SAP130: variants seen among roughly 807,000 people sequenced by gnomAD.
SAP130 encodes histone deacetylase complex subunit SAP130.
In SAP130, 16 loss-of-function variants were observed where a neutral mutation model predicts 103.2. That is an observed-to-expected ratio of 0.16 (90% CI 0.10 to 0.24). The LOEUF (loss-of-function observed/expected upper bound fraction) is 0.24. Ranked by LOEUF, SAP130 falls within the 10% of genes least tolerant of loss-of-function variation. SAP130 has a pLI of 1.00. For missense variants in SAP130, 990 were observed against 1,359.7 expected, an observed-to-expected ratio of 0.73 and a Z score of 4.28; for synonymous variants, 477 against 497.0, an observed-to-expected ratio of 0.96 and a Z score of 0.53.
chr2:127,966,277 G>A (rs1680650365), intron 15 of SAP130, among the ~76,000 whole-genome samples: 1 of 151,814 alleles, frequency 6.6e-6, no homozygotes, highest in Non-Finnish European at 1.5e-5. Flanking sequence ...CCTGCGAGGT[G>A]GAGGTTGCAG....
Position 127,989,490 on chromosome 2 carries a change from T to C in SAP130, c.1780+74A>G, listed in dbSNP as rs1682635515. Reference sequence around the variant, plus strand: ...AGAAATTATAAGACGACAAAGCCAGTGGCAGAGAAAGGATTTAAACCCAAA... The same window carrying C: ...AGAAATTATAAGACGACAAAGCCAGCGGCAGAGAAAGGATTTAAACCCAAA... On this transcript the variant is annotated intron_variant, in intron 13 of 20. Transcript: ENST00000643581. This position sits in a 1 kb window ranked among gnomAD's most constrained non-coding sequence, Gnocchi z 4.6. 2 of 1,320,360 alleles carry C rather than the reference T, an allele frequency of 1.5e-6. No homozygotes were observed. The highest frequency in any genetic ancestry group is 1.9e-4 in the Middle Eastern group (1 of 5,270). 81.8% of individuals were successfully genotyped at this position (1,320,360 alleles called of 1,614,324 possible). A position where few individuals can be genotyped will look rare whatever the true frequency, so the allele number is the denominator to read the frequency against.
intron 4 of SAP130, among the ~76,000 whole-genome samples, chr2:128,015,321 T>C (rs997645830): frequency 6.6e-6 from 1 of 152,166 alleles, no homozygotes; most frequent in Non-Finnish European, 1.5e-5. Flanking sequence ...TCTAAGTAAA[T>C]GTCAGTTGGT....
intron 15 of SAP130, among the ~76,000 whole-genome samples, chr2:127,966,089 C>G (rs1335244095): frequency 6.6e-6 from 1 of 151,996 alleles, no homozygotes; most frequent in East Asian, 1.9e-4. Context: ...ACGTCTGTAA[C>G]CACAGCACTT....
intron 13 of SAP130, among the ~76,000 whole-genome samples, chr2:127,988,581 G>A (rs1478876071): frequency 2.0e-5 from 3 of 151,836 alleles, no homozygotes; most frequent in African/African-American, 7.3e-5. Flanking sequence ...CTGGTGTAAT[G>A]ACTCATGCTT....
At position 127,955,246 on chromosome 2, in the gene SAP130, G is replaced by A. The variant is rs759150895; in HGVS notation, c.2162C>T (p.Ala721Val). The A allele has an allele frequency of 3.1e-6, 5 of 1,614,058 alleles. No homozygotes were observed. The highest frequency in any genetic ancestry group is 1.7e-5 in the Admixed American group (1 of 60,002). The change falls in exon 16 of 21, where the codon GCC (alanine) becomes GTC (valine). Residue 721 changes from alanine to valine, a missense_variant. By Grantham distance (64) the Ala-to-Val change is moderately conservative. Around this residue, in one of 6 missense-constraint regions of SAP130, gnomAD observed 349 missense variants for 384.1 expected, o/e 0.91. Transcript: ENST00000643581. The surrounding 1 kb of genome is among the most constrained non-coding windows in gnomAD (Gnocchi z 4.9). ...GGGCTGCTGGGCAGTTGGAGGGACG[G>A]CAATGGTAGGCTGATCATTATTTTG... ...SNQNNDQPTI[A>V]VPPTAQQPPP...
intron 2 of SAP130, among the ~76,000 whole-genome samples, chr2:128,022,751 T>C (rs904462880): frequency 4.6e-5 from 7 of 152,196 alleles, no homozygotes; most frequent in Non-Finnish European, 8.8e-5. Flanking sequence ...GGCACTTATC[T>C]AGCTCTTCTG....
At chr2:127,961,683 G>A (rs1414004234) in intron 15 of SAP130, among the ~76,000 whole-genome samples, 1 of 152,080 alleles carries the variant, frequency 6.6e-6, no homozygotes, top group Non-Finnish European at 1.5e-5. Flanking sequence ...GAGGCGGAAG[G>A]TGAGCGGAAT....
intron 6 of SAP130, among the ~76,000 whole-genome samples, chr2:128,011,699 T>A (rs1323532523): frequency 6.6e-6 from 1 of 152,226 alleles, no homozygotes; most frequent in Non-Finnish European, 1.5e-5. Context: ...CTACCCAGTA[T>A]CATAATCAAG....
intron 15 of SAP130, among the ~76,000 whole-genome samples, chr2:127,964,332 A>G (rs1680478303): frequency 6.6e-6 from 1 of 151,866 alleles, no homozygotes. Flanking sequence ...CACCTCTACT[A>G]AAAGTACAAA....
chr2:128,018,911 C>T (rs149614181), intron 2 of SAP130, among the ~76,000 whole-genome samples: 14 of 152,006 alleles, frequency 9.2e-5, no homozygotes, highest in Admixed American at 7.9e-4. Context: ...GCCTGACCAA[C>T]GTGGTGAAAC....
At chr2:127,962,725 T>G (rs2104811910) in intron 15 of SAP130, among the ~76,000 whole-genome samples, 1 of 112,564 alleles carries the variant, frequency 8.9e-6, no homozygotes, top group Non-Finnish European at 1.9e-5. Flanking sequence ...CCGGGGACTG[T>G]TGTGGGGTGG....
At position 127,942,499 on chromosome 2, in the gene SAP130, G is replaced by A. The variant is rs527799292; in HGVS notation, c.2940C>T (p.Asn980=). The part of the protein sequence containing the change: ...LEHDVYERLT[N]LQEGIIPKKK... ...TCTTTGGGATAATCCCTTCCTGCAGGTTAGTAAGTCTTTCATAGACATCAT... is the reference window on the plus strand; with the variant it reads ...TCTTTGGGATAATCCCTTCCTGCAGATTAGTAAGTCTTTCATAGACATCAT... Residue 980 remains asparagine, a synonymous_variant, in exon 20 of 21, where the codon AAC becomes AAT. Coordinates refer to ENST00000643581, the MANE Select transcript of SAP130 (RefSeq NM_001330301.2). The surrounding 1 kb of genome is among the most constrained non-coding windows in gnomAD (Gnocchi z 4.8). The A allele has an allele frequency of 1.4e-5, 22 of 1,613,446 alleles. No individual in the cohort carries two copies. In the South Asian group the frequency reaches 2.3e-4, roughly 17 times the overall value.
chr2:127,952,657 C>T (rs1049444338), intron 16 of SAP130, among the ~76,000 whole-genome samples: 2 of 152,098 alleles, frequency 1.3e-5, no homozygotes, highest in Admixed American at 1.3e-4. Flanking sequence ...CTTCTGTTTG[C>T]CAAATCCAAA....
Position 127,964,137 on chromosome 2 carries a change from G to T in SAP130, c.2064-8793C>A, listed in dbSNP as rs113650731. On this transcript the variant is annotated intron_variant, in intron 15 of 20. Transcript: ENST00000643581. ...CTGAGCCGAGGAGTTCAAGGCTTCA[G>T]TGAACTGTTTCACACCCATTGCACT... Among the ~76,000 whole-genome samples, 726 of 152,318 alleles carry T rather than the reference G, an allele frequency of 4.8e-3. 5 individuals carry two copies. Among genetic ancestry groups the T allele is most frequent in the Non-Finnish European group, 8.0e-3 (542 of 68,026 alleles).
chr2:128,000,361 T>C lies in SAP130; in HGVS notation c.963A>G (p.Leu321=), dbSNP rs1169243564. 1.2e-6 allele frequency: 2 copies of C among 1,614,076 alleles called. No individual in the cohort carries two copies. Among genetic ancestry groups the C allele is most frequent in the Non-Finnish European group, 1.7e-6 (2 of 1,180,030 alleles). Residue 321 remains leucine (L), a synonymous_variant, in exon 8 of 21, where the codon CTA becomes CTG. Coordinates refer to ENST00000643581, the MANE Select transcript of SAP130 (RefSeq NM_001330301.2). ...GCGTCCCTAATGCAGGGTGAGATGG[T>C]AGTGTGATTCTTGTTGTGACATCTC... The part of the protein sequence containing the change: ...QSRDVTTRIT[L]PSHPALGTPK...
chr2:127,984,193 A>G (rs1160986087), intron 14 of SAP130, among the ~76,000 whole-genome samples: 1 of 151,968 alleles, frequency 6.6e-6, no homozygotes, highest in Non-Finnish European at 1.5e-5. Flanking sequence ...TTATTTCAGG[A>G]CCGGTTCTTT....
Position 127,986,904 on chromosome 2 carries a change from A to G in SAP130, c.1839T>C (p.Ser613=). The G allele has an allele frequency of 6.2e-7, 1 of 1,614,216 alleles. No homozygotes were observed. Among genetic ancestry groups the G allele is most frequent in the Non-Finnish European group, 8.5e-7 (1 of 1,180,012 alleles). The change falls in exon 14 of 21, where the codon AGT becomes AGC. Residue 613 remains serine (S), a synonymous_variant. Transcript: ENST00000643581. This position sits in a 1 kb window ranked among gnomAD's most constrained non-coding sequence, Gnocchi z 4.7. The stretch of plus-strand genomic sequence containing the variant: ...CCACGGTTGTTGCTGCTGGAGCAGC[A>G]CTGAATGGATTGCTAATAGGGTTGG... ...IVANPISNPF[S]AAPAATTVVQ...
Position 127,942,430 on chromosome 2 carries a change from C to T in SAP130, c.3009G>A (p.Leu1003=). 6.2e-7 allele frequency: 1 copy of T among 1,608,776 alleles called. No individual in the cohort carries two copies. Among genetic ancestry groups the T allele is most frequent in the Non-Finnish European group, 8.5e-7 (1 of 1,175,062 alleles). ...GGAAGGGGCGCACTCAAACCTGTAT[C>T]AGTTCGTTTATTCGGTGGAGATCAT... is the stretch of plus-strand genomic sequence containing the variant. The part of the protein sequence containing the change: ...TDDDLHRINE[L]IQGNMQRCKL... The change falls in exon 20 of 21, where the codon CTG becomes CTA. Residue 1003 remains leucine (L), a synonymous_variant. Transcript: ENST00000643581. The surrounding 1 kb of genome is among the most constrained non-coding windows in gnomAD (Gnocchi z 4.8).
Position 128,016,544 on chromosome 2 carries a change from G to A in SAP130, c.352C>T (p.Pro118Ser). The A allele has an allele frequency of 1.9e-6, 3 of 1,609,694 alleles. No homozygotes were observed. Among genetic ancestry groups the A allele is most frequent in the Non-Finnish European group, 2.5e-6 (3 of 1,177,740 alleles). ...CGGCTAGGCATGGTGGGCTTCGGGG[G>A]CGGCTGCAAACAGAAAACCACACAA... ...LSFSEGLMKP[P>S]PKPTMPSRPI... The change falls in exon 4 of 21, where the codon CCC (proline) becomes TCC (serine). Residue 118 changes from proline to serine, a missense_variant. By Grantham distance (74) the Pro-to-Ser change is moderately conservative. This residue lies in a region of SAP130 where 167 missense variants were observed against 187.4 expected (regional missense o/e 0.89). Transcript: ENST00000643581.
Sources: allele counts gnomAD v4.1 joint callset (sites outside exome capture counted in the v4.1 genomes callset), GRCh38; gene constraint gnomAD v4.1.1; regional missense constraint gnomAD v4.1.1; non-coding constraint Gnocchi (gnomAD v3.1); transcripts MANE v1.5; gene names NCBI Gene and HGNC (gene_info 2026-07-23, HGNC 2026-07-21).